Variants in SLC1A1 observed in about 807,000 individuals in gnomAD.
SLC1A1 encodes the protein excitatory amino acid transporter 3.
A neutral mutation model predicts 53.3 loss-of-function variants in SLC1A1; 43 were observed. That is an observed-to-expected ratio of 0.81 (90% CI 0.63 to 1.04). SLC1A1 has a LOEUF of 1.04. SLC1A1 is among the 50% of genes least tolerant of loss of function. SLC1A1 has a pLI of 0.00. For synonymous variants in SLC1A1, 307 were observed against 243.2 expected (o/e 1.26, Z -2.44); for missense variants, 748 against 664.9 (o/e 1.12, Z -1.37).
chr9:4,535,491 C>A (rs1816640882), intron 1 of SLC1A1, among the ~76,000 whole-genome samples: 1 of 152,090 alleles, frequency 6.6e-6, no homozygotes, highest in African/African-American at 2.4e-5. Flanking sequence ...CCTAGAAATC[C>A]AACTTATAAG....
chr9:4,578,397 G>T (rs1820759657), intron 10 of SLC1A1, among the ~76,000 whole-genome samples: 1 of 152,196 alleles, frequency 6.6e-6, no homozygotes, highest in South Asian at 2.1e-4. Context: ...CCTATGTAGT[G>T]AGTACTCAGT....
chr9:4,557,361 T>C lies in SLC1A1; in HGVS notation c.233-4088T>C, dbSNP rs566442488. 4.8e-4 allele frequency among the ~76,000 whole-genome samples: 73 copies of C among 152,354 alleles called. 1 individual carries two copies. Among genetic ancestry groups the C allele is most frequent in the Non-Finnish European group, 9.0e-4 (61 of 68,036 alleles). ...AAAGAGCTTTTCCTGAATTTGATAA[T>C]GGAGTTAAGCTATAGTTTGTTCATT... On this transcript the variant is annotated intron_variant, in intron 2 of 11. Coordinates refer to ENST00000262352, the MANE Select transcript of SLC1A1 (RefSeq NM_004170.6).
At chr9:4,505,582 C>A (rs778125168) in intron 1 of SLC1A1, among the ~76,000 whole-genome samples, 1 of 152,162 alleles carries the variant, frequency 6.6e-6, no homozygotes, top group Non-Finnish European at 1.5e-5. Flanking sequence ...ATTGGCTCTA[C>A]GTGCAAAAGA....
chr9:4,532,433 C>G (rs979334177), intron 1 of SLC1A1, among the ~76,000 whole-genome samples: 1 of 151,724 alleles, frequency 6.6e-6, no homozygotes, highest in African/African-American at 2.4e-5. Flanking sequence ...CCTCAGTAGC[C>G]GATTCAATCA....
chr9:4,523,219 A>C (rs556477600), intron 1 of SLC1A1, among the ~76,000 whole-genome samples: 2 of 152,286 alleles, frequency 1.3e-5, no homozygotes, highest in East Asian at 1.9e-4. Flanking sequence ...AGGGTCTTAC[A>C]TCATCCATTT....
chr9:4,573,549 G>A (rs1820261242), intron 7 of SLC1A1, among the ~76,000 whole-genome samples: 1 of 152,126 alleles, frequency 6.6e-6, no homozygotes, highest in South Asian at 2.1e-4. Flanking sequence ...AGCCATATTT[G>A]GCAGTGAGGG....
At chr9:4,518,714 A>C (rs1333776703) in intron 1 of SLC1A1, among the ~76,000 whole-genome samples, 1 of 152,106 alleles carries the variant, frequency 6.6e-6, no homozygotes, top group African/African-American at 2.4e-5. Flanking sequence ...GGTAGAGTGA[A>C]AAATATCAGG....
chr9:4,584,936 A>C (rs2129894813), intron 11 of SLC1A1, among the ~76,000 whole-genome samples: 1 of 152,338 alleles, frequency 6.6e-6, no homozygotes. Flanking sequence ...ACCTTTGCCC[A>C]AAGAGAGCCC....
intron 1 of SLC1A1, among the ~76,000 whole-genome samples, chr9:4,513,397 C>A (rs1821058958): frequency 6.6e-6 from 1 of 151,990 alleles, no homozygotes; most frequent in South Asian, 2.1e-4. Context: ...TAGGCAAAAC[C>A]TGAACAGACA....
At chr9:4,506,470 T>C (rs1398520963) in intron 1 of SLC1A1, among the ~76,000 whole-genome samples, 1 of 152,158 alleles carries the variant, frequency 6.6e-6, no homozygotes, top group Non-Finnish European at 1.5e-5. Context: ...TCAGAAACCA[T>C]AACCTTAAAT....
At chr9:4,513,942 A>G (rs1347813648) in intron 1 of SLC1A1, among the ~76,000 whole-genome samples, 3 of 152,230 alleles carry the variant, frequency 2.0e-5, no homozygotes, top group Non-Finnish European at 4.4e-5. Context: ...CAGTCTCACA[A>G]CTTACATAGA....
intron 1 of SLC1A1, among the ~76,000 whole-genome samples, chr9:4,528,959 T>TATGGATAGGGTAA (rs1240254188): frequency 8.5e-5 from 13 of 152,224 alleles, no homozygotes; most frequent in Middle Eastern, 3.4e-3. Context: ...TTGGTAGGTA[T>TATGGATAGGGTAA]CACCATCCAC....
intron 1 of SLC1A1, among the ~76,000 whole-genome samples, chr9:4,498,818 A>ATGTG (rs113905156): frequency 2.7e-5 from 4 of 149,014 alleles, no homozygotes; most frequent in African/African-American, 9.9e-5. Flanking sequence ...ATATATATAT[A>ATGTG]TGTGTGTGTG....
At chr9:4,532,393 G>A (rs1661040891) in intron 1 of SLC1A1, among the ~76,000 whole-genome samples, 1 of 151,994 alleles carries the variant, frequency 6.6e-6, no homozygotes, top group African/African-American at 2.4e-5. Flanking sequence ...TGAAAACCAA[G>A]GCACGAGAAC....
chr9:4,576,224 G>C, intron 9 of SLC1A1, 101 bp downstream of exon 9: 1 of 1,188,332 alleles, frequency 8.4e-7, no homozygotes, highest in Non-Finnish European at 1.3e-6. Context: ...TTTTGTAGCT[G>C]TCTTTGAGAA....
intron 1 of SLC1A1, among the ~76,000 whole-genome samples, chr9:4,505,226 T>G (rs555629289): frequency 5.3e-5 from 8 of 151,926 alleles, no homozygotes; most frequent in Non-Finnish European, 1.0e-4. Flanking sequence ...TTTTTGTATT[T>G]TTAATAAAGA....
At chr9:4,570,933 A>G (rs1819975357) in intron 6 of SLC1A1, among the ~76,000 whole-genome samples, 1 of 152,030 alleles carries the variant, frequency 6.6e-6, no homozygotes, top group African/African-American at 2.4e-5. Flanking sequence ...AAAAAAAGGT[A>G]AAAACATGAT....
chr9:4,497,087 G>C (rs1218278709), intron 1 of SLC1A1, among the ~76,000 whole-genome samples: 1 of 151,984 alleles, frequency 6.6e-6, no homozygotes. Flanking sequence ...CCTTTCCTGT[G>C]GCTGCCCTAA....
rs72691995 is a variant in SLC1A1 at position 4,556,167 on chromosome 9, G to T, written c.233-5282G>T. ...TCACACCCAGCAAATTTGTGTGTGT[G>T]TGTGGTTTTGTTTTTGTTTTTTTGT... On this transcript the variant is annotated intron_variant, in intron 2 of 11. Transcript: ENST00000262352. The surrounding 1 kb of genome is among the most constrained non-coding windows in gnomAD (Gnocchi z 4.1). Among the ~76,000 whole-genome samples, 6,191 of 151,930 alleles carry T rather than the reference G, an allele frequency of 0.041. 191 individuals are homozygous for T. Among genetic ancestry groups the T allele is most frequent in the Middle Eastern group, 0.061 (18 of 294 alleles).
Sources: gnomAD v4.1 joint callset for allele counts (sites outside exome capture counted in the v4.1 genomes callset) on GRCh38, gnomAD v4.1.1 for gene constraint, Gnocchi (gnomAD v3.1) non-coding constraint, MANE v1.5 for transcripts, NCBI Gene and HGNC (gene_info 2026-07-23, HGNC 2026-07-21) for gene names.